RNLS: variants seen among roughly 807,000 people sequenced by gnomAD.
RNLS encodes the protein renalase.
A neutral mutation model predicts 39.8 loss-of-function variants in RNLS; 39 were observed. The observed-to-expected ratio is 0.98, with a 90% CI of 0.76 to 1.28. The LOEUF is 1.28. Among genes scored for constraint, RNLS ranks in the 50% most tolerant of loss-of-function variants. The probability of loss-of-function intolerance (pLI) is 0.00; values close to 1 mark genes in which losing one functional copy is unlikely to be tolerated. For synonymous variants in RNLS, 147 were observed against 150.7 expected (o/e 0.98, Z 0.18); for missense variants, 410 against 413.3 (o/e 0.99, Z 0.07).
At chr10:88,338,723 T>C (rs1847687125) in intron 5 of RNLS, among the ~76,000 whole-genome samples, 1 of 150,906 alleles carries the variant, frequency 6.6e-6, no homozygotes. Flanking sequence ...TGAATATCAC[T>C]CATCATGTGA....
chr10:88,510,351 A>AT (rs1846050912), intron 4 of RNLS, among the ~76,000 whole-genome samples: 1 of 152,174 alleles, frequency 6.6e-6, no homozygotes, highest in Admixed American at 6.6e-5. Context: ...ACTGAAACAT[A>AT]TAATTTGTTT....
chr10:88,303,863 A>T (rs1201605163), intron 6 of RNLS, among the ~76,000 whole-genome samples: 1 of 152,206 alleles, frequency 6.6e-6, no homozygotes, highest in Non-Finnish European at 1.5e-5. Flanking sequence ...GACCACTTCC[A>T]GTGCGACTGT....
intron 4 of RNLS, among the ~76,000 whole-genome samples, chr10:88,543,208 T>C (rs1397605347): frequency 6.6e-6 from 1 of 152,102 alleles, no homozygotes; most frequent in Admixed American, 6.6e-5. Context: ...GCTGATCTGA[T>C]ATTGCTGCCA....
the RNLS span, among the ~76,000 whole-genome samples, chr10:88,219,677 T>C: frequency 1.3e-5 from 2 of 152,142 alleles, no homozygotes; most frequent in Non-Finnish European, 2.9e-5. Flanking sequence ...TTAAAAGCCA[T>C]ATAAAAGCTC....
intron 5 of RNLS, among the ~76,000 whole-genome samples, chr10:88,316,067 A>G (rs962727500): frequency 5.3e-5 from 8 of 152,204 alleles, no homozygotes; most frequent in African/African-American, 1.9e-4. Flanking sequence ...ACAAGAGAAG[A>G]GAGTCCCAAC....
downstream of RNLS, among the ~76,000 whole-genome samples, chr10:88,282,241 G>A (rs556972901): frequency 1.3e-5 from 2 of 152,072 alleles, no homozygotes; most frequent in South Asian, 2.1e-4. Flanking sequence ...CACATGATGC[G>A]GACTGTACCC....
At chr10:88,406,315 G>A (rs538116309) in intron 4 of RNLS, among the ~76,000 whole-genome samples, 13 of 152,122 alleles carry the variant, frequency 8.5e-5, no homozygotes, top group Admixed American at 3.3e-4. Context: ...CCCCAAATAT[G>A]TTTTCTAAGC....
rs185915189 is a variant in RNLS at position 88,287,035 on chromosome 10, T to C, written c.877-1529A>G. On this transcript the variant is annotated intron_variant, in intron 6 of 6. Coordinates refer to ENST00000331772, the MANE Select transcript of RNLS (RefSeq NM_001031709.3). ...AACTCCTGGCCTCAAGCTATTCTCC[T>C]GTCTTGGCTTCCCAAAGTGTTGGGA... 7.3e-4 allele frequency among the ~76,000 whole-genome samples: 111 copies of C among 152,202 alleles called. 2 individuals are homozygous for C. In the East Asian group the frequency reaches 0.02, roughly 27 times the overall value.
the RNLS span, among the ~76,000 whole-genome samples, chr10:88,217,517 C>G: frequency 6.6e-6 from 1 of 151,960 alleles, no homozygotes; most frequent in Non-Finnish European, 1.5e-5. Flanking sequence ...AACTTTGGTT[C>G]AAAGCAGGCT....
At chr10:88,474,656 C>T (rs1270203033) in intron 4 of RNLS, among the ~76,000 whole-genome samples, 2 of 152,150 alleles carry the variant, frequency 1.3e-5, no homozygotes, top group Admixed American at 6.6e-5. Flanking sequence ...GTCAGTCAGA[C>T]CTGGGCTCTG....
chr10:88,475,874 C>A (rs960768065), intron 4 of RNLS, among the ~76,000 whole-genome samples: 2 of 152,086 alleles, frequency 1.3e-5, no homozygotes, highest in African/African-American at 4.8e-5. Flanking sequence ...GGGGAAAAAT[C>A]AAGTTTTAAA....
chr10:88,322,499 G>A (rs1846260770), intron 5 of RNLS, among the ~76,000 whole-genome samples: 1 of 152,196 alleles, frequency 6.6e-6, no homozygotes, highest in African/African-American at 2.4e-5. Flanking sequence ...CACAAGATCT[G>A]ATGGTATTTA....
intron 5 of RNLS, among the ~76,000 whole-genome samples, chr10:88,334,749 T>C (rs933105987): frequency 4.6e-5 from 7 of 152,172 alleles, no homozygotes; most frequent in Admixed American, 4.6e-4. Flanking sequence ...TTTATTGAGT[T>C]GAAGGCATTT....
At chr10:88,371,506 A>C (rs1478803591) in intron 4 of RNLS, among the ~76,000 whole-genome samples, 1 of 152,170 alleles carries the variant, frequency 6.6e-6, no homozygotes, top group African/African-American at 2.4e-5. Flanking sequence ...TCGGGCAATA[A>C]TTTTTGAAAA....
intron 4 of RNLS, among the ~76,000 whole-genome samples, chr10:88,439,989 C>G (rs1841621213): frequency 6.6e-6 from 1 of 152,148 alleles, no homozygotes. Context: ...CCTTCATGAA[C>G]TGCTTGTTAT....
At chr10:88,234,237 C>G in the RNLS span, among the ~76,000 whole-genome samples, 2 of 151,666 alleles carry the variant, frequency 1.3e-5, no homozygotes, top group Non-Finnish European at 2.9e-5. Flanking sequence ...ACATCATTTC[C>G]CTCATCGCAA....
intron 4 of RNLS, among the ~76,000 whole-genome samples, chr10:88,488,232 A>G (rs189735193): frequency 6.6e-6 from 1 of 152,226 alleles, no homozygotes; most frequent in East Asian, 1.9e-4. Flanking sequence ...TATATCAAAT[A>G]CACCTCAATG....
At chr10:88,511,182 T>C (rs1256095822) in intron 4 of RNLS, among the ~76,000 whole-genome samples, 1 of 152,090 alleles carries the variant, frequency 6.6e-6, no homozygotes, top group African/African-American at 2.4e-5. Flanking sequence ...TTCCAAGCCT[T>C]CTACAGCTGC....
At chr10:88,326,777 CT>C (rs1564697244) in intron 5 of RNLS, among the ~76,000 whole-genome samples, 1 of 152,170 alleles carries the variant, frequency 6.6e-6, no homozygotes, top group Non-Finnish European at 1.5e-5. Flanking sequence ...GCTGGAAAAG[CT>C]GCAGACACTC....
Sources: allele counts gnomAD v4.1 joint callset (sites outside exome capture counted in the v4.1 genomes callset), GRCh38; gene constraint gnomAD v4.1.1; transcripts MANE v1.5; gene names NCBI Gene and HGNC (gene_info 2026-07-23, HGNC 2026-07-21).